Variants in GMPS observed in about 807,000 individuals in gnomAD.
GMPS encodes guanosine monophosphate synthase.
Under a neutral mutation model 77.9 loss-of-function variants are expected in GMPS, and 15 were observed. The observed-to-expected ratio is 0.19, with a 90% CI of 0.13 to 0.30. The LOEUF (loss-of-function observed/expected upper bound fraction) is 0.30, where lower values mean the gene tolerates loss of function less well. Ranked by LOEUF, GMPS falls within the 10% of genes least tolerant of loss-of-function variation. The pLI, the probability that GMPS is intolerant of heterozygous loss-of-function variation, is 1.00. For synonymous variants in GMPS, 224 were observed against 275.9 expected (o/e 0.81, Z 1.86); for missense variants, 590 against 838.8 (o/e 0.70, Z 3.66).
intron 12 of GMPS, 87 bp from the exon 13 acceptor site, chr3:155,931,678 T>G: frequency 1.7e-6 from 1 of 574,854 alleles, no homozygotes; most frequent in Non-Finnish European, 3.1e-6. Flanking sequence ...CTTTTCTTTT[T>G]TTTTTAAAAA....
intron 15 of GMPS, 82 bp downstream of exon 15, chr3:155,936,592 G>A: frequency 1.3e-6 from 1 of 773,500 alleles, no homozygotes; most frequent in East Asian, 2.5e-5. Flanking sequence ...GGCTATGCCA[G>A]TGCTGTATTT....
chr3:155,924,354 T>C (rs1293390143), intron 11 of GMPS, among the ~76,000 whole-genome samples: 1 of 152,198 alleles, frequency 6.6e-6, no homozygotes, highest in African/African-American at 2.4e-5. Flanking sequence ...GAGGTAAAAA[T>C]GATATCTACT....
chr3:155,934,204 A>G (rs1296085877), intron 13 of GMPS, among the ~76,000 whole-genome samples: 1 of 152,172 alleles, frequency 6.6e-6, no homozygotes. Flanking sequence ...AAAGACACCT[A>G]TTTTTAAATT....
intron 1 of GMPS, among the ~76,000 whole-genome samples, chr3:155,879,952 GTTTTTT>G (rs61425510): frequency 6.8e-6 from 1 of 147,260 alleles, no homozygotes; most frequent in African/African-American, 2.5e-5. Flanking sequence ...AGTTTTAAGA[GTTTTTT>G]TTTTTTAAGT....
intron 10 of GMPS, among the ~76,000 whole-genome samples, chr3:155,919,799 C>T (rs4679756): frequency 0.93 from 140,946 of 152,296 alleles, 65,343 homozygotes; most frequent in African/African-American, 0.97. Context: ...CAGAGAATTC[C>T]TGGCACAATG....
chr3:155,917,293 T>C (rs568964706), intron 9 of GMPS, among the ~76,000 whole-genome samples: 2 of 152,270 alleles, frequency 1.3e-5, no homozygotes, highest in South Asian at 4.2e-4. Flanking sequence ...TATTTTTAAG[T>C]ATATAGTTCA....
chr3:155,937,481 G>A (rs1414991575), intron 15 of GMPS, 110 bp from the exon 16 acceptor site: 4 of 637,834 alleles, frequency 6.3e-6, no homozygotes, highest in African/African-American at 1.8e-5. Flanking sequence ...TATACATGGA[G>A]GACAATAGTG....
chr3:155,870,639 G>C (rs1428352267), upstream of GMPS: 12 of 468,830 alleles, frequency 2.6e-5, no homozygotes, highest in Non-Finnish European at 3.8e-5. Context: ...GCGGAAGCAG[G>C]AGGCGGGGGC....
chr3:155,934,007 G>A (rs1479578089), intron 13 of GMPS, among the ~76,000 whole-genome samples: 1 of 152,142 alleles, frequency 6.6e-6, no homozygotes, highest in African/African-American at 2.4e-5. Context: ...GGAAGTAGTA[G>A]GATACTAAGT....
chr3:155,895,110 G>A (rs915393053), intron 2 of GMPS, among the ~76,000 whole-genome samples: 4 of 152,124 alleles, frequency 2.6e-5, no homozygotes, highest in African/African-American at 9.7e-5. Context: ...ATCTAATGGT[G>A]TTTCATGTCA....
intron 7 of GMPS, among the ~76,000 whole-genome samples, chr3:155,913,464 T>C (rs1172285355): frequency 6.6e-6 from 1 of 152,004 alleles, no homozygotes; most frequent in Non-Finnish European, 1.5e-5. Context: ...AGCTTCTTGC[T>C]GTGGCTTCTG....
At chr3:155,892,405 C>T (rs1339476229) in intron 1 of GMPS, among the ~76,000 whole-genome samples, 6 of 152,038 alleles carry the variant, frequency 3.9e-5, no homozygotes, top group African/African-American at 1.4e-4. Context: ...GGATAGAAAC[C>T]AGACGAGTAC....
intron 3 of GMPS, among the ~76,000 whole-genome samples, chr3:155,899,157 C>T (rs1001776251): frequency 6.6e-6 from 1 of 152,000 alleles, no homozygotes; most frequent in Non-Finnish European, 1.5e-5. Context: ...CACCTGAGGT[C>T]GGGAGTTCGA....
At chr3:155,879,762 G>A (rs535633475) in intron 1 of GMPS, among the ~76,000 whole-genome samples, 82 of 108,850 alleles carry the variant, frequency 7.5e-4, no homozygotes, top group African/African-American at 2.4e-3. Flanking sequence ...GCGGAGTCTC[G>A]CACTGTTCCC....
At chr3:155,920,228 G>A (rs1177577461) in intron 10 of GMPS, among the ~76,000 whole-genome samples, 1 of 152,146 alleles carries the variant, frequency 6.6e-6, no homozygotes, top group Non-Finnish European at 1.5e-5. Context: ...TTATCTCAGA[G>A]TTTATACTCT....
chr3:155,917,164 G>A (rs1176095736), intron 9 of GMPS, among the ~76,000 whole-genome samples: 1 of 150,476 alleles, frequency 6.6e-6, no homozygotes, highest in Non-Finnish European at 1.5e-5. Context: ...GTAGAGATGG[G>A]GTTTCACTAT....
At position 155,892,874 on chromosome 3, in the gene GMPS, C is replaced by G. The variant is rs570679512; in HGVS notation, c.28-644C>G. ...CTTGAACTCGTGACCTCAGGTAATC[C>G]ACCTGCCTTGGCCTCCCAAAGTGCT... On this transcript the variant is annotated intron_variant, in intron 1 of 15. Coordinates refer to ENST00000496455, the MANE Select transcript of GMPS (RefSeq NM_003875.3). 5.3e-5 allele frequency among the ~76,000 whole-genome samples: 8 copies of G among 152,320 alleles called. No homozygotes were observed. In the South Asian group the frequency reaches 8.3e-4, roughly 16 times the overall value.
chr3:155,932,316 C>A (rs932010017), intron 13 of GMPS, among the ~76,000 whole-genome samples: 13 of 142,138 alleles, frequency 9.1e-5, no homozygotes, highest in Non-Finnish European at 1.6e-4. Flanking sequence ...ACACACACAC[C>A]CCTACAAAAC....
At chr3:155,918,604 G>A (rs148422800) in intron 9 of GMPS, among the ~76,000 whole-genome samples, 15 of 152,034 alleles carry the variant, frequency 9.9e-5, no homozygotes, top group Non-Finnish European at 1.5e-4. Context: ...ATGTCTATTC[G>A]TATCCTTTGC....
Sources: allele counts gnomAD v4.1 joint callset (sites outside exome capture counted in the v4.1 genomes callset), GRCh38; gene constraint gnomAD v4.1.1; transcripts MANE v1.5; gene names NCBI Gene and HGNC (gene_info 2026-07-23, HGNC 2026-07-21).